Variants in RAB3GAP2 observed in about 807,000 individuals in gnomAD.
The protein encoded by RAB3GAP2 is RAB3 GTPase activating non-catalytic protein subunit 2, also known as rab3 GTPase-activating protein non-catalytic subunit.
RAB3GAP2 carries 87 observed loss-of-function variants against 185.3 expected under a neutral mutation model. The ratio of observed to expected loss-of-function variants is 0.47; its 90% CI spans 0.39 to 0.56. RAB3GAP2 has a LOEUF of 0.56. Ranked by LOEUF, RAB3GAP2 falls within the 20% of genes least tolerant of loss-of-function variation. The pLI is 0.00. For synonymous variants in RAB3GAP2, 554 were observed against 576.1 expected (o/e 0.96, Z 0.55); for missense variants, 1,492 against 1,638.2 (o/e 0.91, Z 1.54).
intron 1 of RAB3GAP2, among the ~76,000 whole-genome samples, chr1:220,247,709 C>A (rs1659845961): frequency 6.6e-6 from 1 of 152,120 alleles, no homozygotes; most frequent in Non-Finnish European, 1.5e-5. Context: ...AAGAACTCAT[C>A]TGTGTAACAA....
chr1:220,262,330 C>A (rs113190932), intron 1 of RAB3GAP2, among the ~76,000 whole-genome samples: 235 of 150,078 alleles, frequency 1.6e-3, no homozygotes, highest in African/African-American at 5.3e-3. Flanking sequence ...AACAAACAAA[C>A]AAAAAAACAT....
chr1:220,259,163 T>A (rs188753087), intron 1 of RAB3GAP2, among the ~76,000 whole-genome samples: 5 of 152,266 alleles, frequency 3.3e-5, no homozygotes, highest in Admixed American at 3.3e-4. Context: ...CCCAAAGTAA[T>A]TTATGGATTC....
At chr1:220,182,643 G>A (rs1658433457) in intron 20 of RAB3GAP2, 75 bp downstream of exon 20, 2 of 1,287,482 alleles carry the variant, frequency 1.6e-6, no homozygotes, top group South Asian at 3.0e-5. Flanking sequence ...TGGAATCTCT[G>A]AGATGCTATA....
At chr1:220,216,077 A>G (rs1247284103) in intron 2 of RAB3GAP2, among the ~76,000 whole-genome samples, 2 of 152,176 alleles carry the variant, frequency 1.3e-5, no homozygotes, top group African/African-American at 4.8e-5. Flanking sequence ...TATGGGTTAC[A>G]GGGAATCTTT....
chr1:220,176,396 G>A (rs1658289458), intron 21 of RAB3GAP2, among the ~76,000 whole-genome samples: 1 of 152,086 alleles, frequency 6.6e-6, no homozygotes. Flanking sequence ...TCACAATAAG[G>A]TGGTTGATCT....
intron 21 of RAB3GAP2, among the ~76,000 whole-genome samples, chr1:220,181,866 T>C (rs1357291588): frequency 6.6e-6 from 1 of 151,562 alleles, no homozygotes; most frequent in Non-Finnish European, 1.5e-5. Context: ...CTGGGCAACA[T>C]AGCGAGACCC....
intron 1 of RAB3GAP2, among the ~76,000 whole-genome samples, chr1:220,245,124 GA>G (rs60329512): frequency 2.6e-4 from 38 of 147,256 alleles, no homozygotes; most frequent in Admixed American, 1.6e-3. Flanking sequence ...AAATCAGCAA[GA>G]AAAAAAAAAA....
intron 21 of RAB3GAP2, among the ~76,000 whole-genome samples, chr1:220,177,508 G>C (rs557607941): frequency 2.0e-5 from 3 of 152,168 alleles, no homozygotes; most frequent in African/African-American, 7.2e-5. Flanking sequence ...GGAGATGTGT[G>C]ATCTCTCAGA....
intron 1 of RAB3GAP2, among the ~76,000 whole-genome samples, chr1:220,260,975 T>C (rs1660125322): frequency 1.3e-5 from 2 of 152,178 alleles, no homozygotes. Context: ...AGCTAGTGGC[T>C]ACCATGTTAG....
chr1:220,175,541 C>G (rs1658272742), intron 21 of RAB3GAP2, among the ~76,000 whole-genome samples: 1 of 152,166 alleles, frequency 6.6e-6, no homozygotes, highest in Admixed American at 6.5e-5. Context: ...CTAAACATAC[C>G]TATAGATTTA....
rs1265770531 is a variant in RAB3GAP2, at chr1:220,189,745, C to T, written c.1737G>A (p.Lys579=). The change falls in exon 17 of 35, where the codon AAG becomes AAA. Residue 579 remains lysine, a synonymous_variant. Transcript: ENST00000358951. ...GGTATTTAATATCAAGAATTAATTC[C>T]TTTATTTCTGTTTCAACCAAATCTA... ...PNLDLVETEI[K]ELILDIKYPA... is the part of the protein sequence containing the mutation. 1 of 1,532,838 alleles carries T rather than the reference C, an allele frequency of 6.5e-7. No individual in the cohort carries two copies. The highest frequency in any genetic ancestry group is 8.9e-7 in the Non-Finnish European group (1 of 1,122,270). The allele number at this position is 1,532,838 out of a possible 1,614,324, so 95.0% of individuals were successfully genotyped here. A position where few individuals can be genotyped will look rare whatever the true frequency, so the allele number is the denominator to read the frequency against.
At chr1:220,262,924 A>G (rs985486107) in intron 1 of RAB3GAP2, among the ~76,000 whole-genome samples, 1 of 150,982 alleles carries the variant, frequency 6.6e-6, no homozygotes. Flanking sequence ...CCCACCAACA[A>G]TGCACAAAAG....
chr1:220,228,559 T>C (rs377005455), intron 2 of RAB3GAP2, among the ~76,000 whole-genome samples: 169 of 152,288 alleles, frequency 1.1e-3, no homozygotes, highest in African/African-American at 3.8e-3. Flanking sequence ...AGCAAAGATG[T>C]CTTTTAAGGA....
intron 16 of RAB3GAP2, 67 bp downstream of exon 16, chr1:220,189,997 G>A: frequency 7.5e-7 from 1 of 1,338,908 alleles, no homozygotes; most frequent in South Asian, 1.2e-5. Context: ...GCTCCATTCA[G>A]AATATTTTAT....
intron 18 of RAB3GAP2, among the ~76,000 whole-genome samples, chr1:220,184,704 A>G (rs1658477183): frequency 1.3e-5 from 2 of 152,122 alleles, no homozygotes; most frequent in Admixed American, 1.3e-4. Context: ...TGGAATTCCA[A>G]CAATGGTGTT....
In RAB3GAP2 at chr1:220,150,576, G is replaced by A. The variant is rs1358445522; in HGVS notation, c.*675C>T. Reference sequence around the variant, plus strand: ...TAACTTACATTATAATTAATTTGCTGCATTTTACACATCTCTGATTCTCAA... The same window carrying A: ...TAACTTACATTATAATTAATTTGCTACATTTTACACATCTCTGATTCTCAA... On this transcript the variant is annotated 3_prime_UTR_variant, in exon 35 of 35. Transcript: ENST00000358951. The A allele has an allele frequency of 6.6e-6, 1 of 151,036 alleles. No individual in the cohort carries two copies. Among genetic ancestry groups the A allele is most frequent in the East Asian group, 2.0e-4 (1 of 5,108 alleles). 9.4% of individuals were successfully genotyped at this position (151,036 alleles called of 1,614,324 possible). A position where few individuals can be genotyped will look rare whatever the true frequency, so the allele number is the denominator to read the frequency against.
At chr1:220,180,123 C>T (rs761045087) in intron 21 of RAB3GAP2, among the ~76,000 whole-genome samples, 1 of 152,036 alleles carries the variant, frequency 6.6e-6, no homozygotes, top group Non-Finnish European at 1.5e-5. Flanking sequence ...GATCGCACCA[C>T]TGCACTCCAG....
chr1:220,250,553 G>C (rs1238600613), intron 1 of RAB3GAP2, among the ~76,000 whole-genome samples: 5 of 152,216 alleles, frequency 3.3e-5, no homozygotes, highest in African/African-American at 1.2e-4. Context: ...GGAAGGACAT[G>C]ATTGTATTTT....
chr1:220,198,776 G>A (rs1425864967), intron 9 of RAB3GAP2, among the ~76,000 whole-genome samples: 2 of 151,844 alleles, frequency 1.3e-5, no homozygotes, highest in African/African-American at 2.4e-5. Context: ...TTCCCTGAGC[G>A]TCTGAGGCCT....
Sources: gnomAD v4.1 joint callset for allele counts (sites outside exome capture counted in the v4.1 genomes callset) on GRCh38, gnomAD v4.1.1 for gene constraint, MANE v1.5 for transcripts, NCBI Gene and HGNC (gene_info 2026-07-23, HGNC 2026-07-21) for gene names.